Variants in COL4A4 observed in about 807,000 individuals in gnomAD.
The protein encoded by COL4A4 is collagen alpha-4(IV) chain.
Under a neutral mutation model 192.9 loss-of-function variants are expected in COL4A4, and 105 were observed. That is an observed-to-expected ratio of 0.54 (90% CI 0.46 to 0.64). COL4A4 has a LOEUF of 0.64. Ranked by LOEUF, COL4A4 falls within the 30% of genes least tolerant of loss-of-function variation. The pLI, the probability that COL4A4 is intolerant of heterozygous loss-of-function variation, is 0.00. For synonymous variants in COL4A4, 762 were observed against 769.9 expected, an observed-to-expected ratio of 0.99 and a Z score of 0.17; for missense variants, 1,967 against 2,169.3, an observed-to-expected ratio of 0.91 and a Z score of 1.85.
chr2:227,098,560 G>T (rs1576484978), intron 19 of COL4A4, 134 bp downstream of exon 19: 1 of 695,242 alleles, frequency 1.4e-6, no homozygotes, highest in Non-Finnish European at 2.6e-6. Flanking sequence ...GGTCTGGGGT[G>T]TGCACAGGCA....
In COL4A4 at chr2:227,059,642, A is replaced by C; in HGVS notation, c.2165-19T>G. 6.3e-7 allele frequency: 1 copy of C among 1,595,694 alleles called. No homozygotes were observed. Among genetic ancestry groups the C allele is most frequent in the Non-Finnish European group, 8.6e-7 (1 of 1,163,664 alleles). Reference sequence around the variant, plus strand: ...CGAAAACCTATTTAACAACAAAAAAAAATTTTTAATGATAACATGTGCAAG... The same window carrying C: ...CGAAAACCTATTTAACAACAAAAAACAATTTTTAATGATAACATGTGCAAG... On this transcript the variant is annotated intron_variant, in intron 27 of 47. Coordinates refer to ENST00000396625, the MANE Select transcript of COL4A4 (RefSeq NM_000092.5).
At chr2:227,056,307 T>A (rs1975336569) in intron 29 of COL4A4, among the ~76,000 whole-genome samples, 192 bp from the exon 30 acceptor site, 1 of 152,238 alleles carries the variant, frequency 6.6e-6, no homozygotes, top group Admixed American at 6.5e-5. Context: ...GAAGGGCAGA[T>A]CATTTGAGTA....
rs907660933 is a variant in COL4A4, at chr2:227,010,203, A to T, written c.4522+110T>A. The T allele has an allele frequency of 1.0e-5, 12 of 1,149,638 alleles. No homozygotes were observed. In the Admixed American group the frequency reaches 2.1e-4, roughly 20 times the overall value. The allele number at this position is 1,149,638 out of a possible 1,614,324, so 71.2% of individuals were successfully genotyped here. A position where few individuals can be genotyped will look rare whatever the true frequency, so the allele number is the denominator to read the frequency against. On this transcript the variant is annotated intron_variant, in intron 46 of 47. Coordinates refer to ENST00000396625, the MANE Select transcript of COL4A4 (RefSeq NM_000092.5). ...TGCTAGTGTTTTTGTTTTAAAAGTA[A>T]GAATAATCCCATATAAGGTTAGTGA...
chr2:227,101,408 C>T, intron 17 of COL4A4, 96 bp downstream of exon 17: 3 of 1,026,412 alleles, frequency 2.9e-6, no homozygotes, highest in South Asian at 3.1e-5. Context: ...AAATTACATT[C>T]TTGAATGATT....
chr2:227,085,317 C>G (rs748704932), intron 22 of COL4A4, among the ~76,000 whole-genome samples: 2 of 152,052 alleles, frequency 1.3e-5, no homozygotes, highest in Non-Finnish European at 2.9e-5. Context: ...GCAGTGGGAA[C>G]GCAATAACCT....
chr2:227,015,336 G>A (rs1964641340), intron 44 of COL4A4, among the ~76,000 whole-genome samples: 1 of 152,188 alleles, frequency 6.6e-6, no homozygotes. Context: ...AGTAGTTACT[G>A]GACCAGCAGC....
chr2:227,108,515 A>G lies in COL4A4; in HGVS notation c.735+66T>C. ...GAGTACAAGTTCAAATAATCAGAACAGCCTCCACCCCTGAGCAGCACACAC... is the reference window on the plus strand; with the variant it reads ...GAGTACAAGTTCAAATAATCAGAACGGCCTCCACCCCTGAGCAGCACACAC... On this transcript the variant is annotated intron_variant, in intron 12 of 47. Coordinates refer to ENST00000396625, the MANE Select transcript of COL4A4 (RefSeq NM_000092.5). 6 of 1,470,788 alleles carry G rather than the reference A, an allele frequency of 4.1e-6. No homozygotes were observed. In the South Asian group the frequency reaches 4.5e-5, roughly 11 times the overall value. 91.1% of individuals were successfully genotyped at this position (1,470,788 alleles called of 1,614,324 possible). A position where few individuals can be genotyped will look rare whatever the true frequency, so the allele number is the denominator to read the frequency against.
chr2:227,107,507 T>C (rs6735029), intron 12 of COL4A4, among the ~76,000 whole-genome samples: 88,889 of 152,044 alleles, frequency 0.58, 26,161 homozygotes, highest in Middle Eastern at 0.67. Flanking sequence ...ATCATGAAGT[T>C]GTTATATATA....
At chr2:227,143,014 A>ACACG (rs2063323029) in intron 3 of COL4A4, among the ~76,000 whole-genome samples, 2 of 145,896 alleles carry the variant, frequency 1.4e-5, no homozygotes, top group African/African-American at 5.7e-5. Flanking sequence ...ACACACACAC[A>ACACG]CACACGCACA....
chr2:227,068,929 C>T (rs1309021578), intron 25 of COL4A4, among the ~76,000 whole-genome samples: 2 of 150,570 alleles, frequency 1.3e-5, no homozygotes, highest in Admixed American at 6.6e-5. Flanking sequence ...GTCAAATTGT[C>T]CCTGTTTGCA....
chr2:227,051,295 C>G (rs1173758924), intron 32 of COL4A4, 137 bp from the exon 33 acceptor site: 26 of 860,088 alleles, frequency 3.0e-5, no homozygotes, highest in Middle Eastern at 2.6e-4. Context: ...AAGCCGCTTC[C>G]TGATCATTTC....
In COL4A4 at chr2:227,123,660, C is replaced by T. The variant is rs929042302; in HGVS notation, c.193-2512G>A. 7.9e-5 allele frequency among the ~76,000 whole-genome samples: 12 copies of T among 152,214 alleles called. No individual in the cohort carries two copies. Among genetic ancestry groups the T allele is most frequent in the African/African-American group, 2.9e-4 (12 of 41,454 alleles). ...GTGATGGGTATGGAGTGCCTGCCAA[C>T]TGTGCCTCCGGGGCTTTGGATAAAG... On this transcript the variant is annotated intron_variant, in intron 4 of 47. Transcript: ENST00000396625. This position sits in a 1 kb window ranked among gnomAD's most constrained non-coding sequence, Gnocchi z 4.6.
At position 227,005,387 on chromosome 2, in the gene COL4A4, CT is replaced by C. The variant is rs1393965905; in HGVS notation, c.*1937del. 2 of 152,046 alleles carry C rather than the reference CT, an allele frequency of 1.3e-5. No homozygotes were observed. The highest frequency in any genetic ancestry group is 2.4e-5 in the African/African-American group (1 of 41,404). 9.4% of individuals were successfully genotyped at this position (152,046 alleles called of 1,614,324 possible). On this transcript the variant is annotated 3_prime_UTR_variant, in exon 48 of 48. Transcript: ENST00000396625. ...CAGGTTGAACTTTTAGGAGGGTTGA[CT>C]TTTGGTAATAGATAAAGCTTTTTGG...
chr2:227,067,801 A>G (rs1377101764), intron 25 of COL4A4, among the ~76,000 whole-genome samples: 2 of 151,692 alleles, frequency 1.3e-5, no homozygotes, highest in African/African-American at 4.9e-5. Flanking sequence ...CATCACAATT[A>G]AAAGAACTAG....
chr2:227,142,798 TCTTATA>T (rs946201929), intron 3 of COL4A4, among the ~76,000 whole-genome samples: 35 of 151,876 alleles, frequency 2.3e-4, no homozygotes, highest in African/African-American at 8.5e-4. Flanking sequence ...GTTATTAATG[TCTTATA>T]CTTGTAATTC....
At chr2:227,136,475 G>T (rs2062820801) in intron 4 of COL4A4, among the ~76,000 whole-genome samples, 1 of 152,152 alleles carries the variant, frequency 6.6e-6, no homozygotes, top group Admixed American at 6.5e-5. Context: ...AGGGTCAAAG[G>T]GGCAGTAATG....
the COL4A4 span, among the ~76,000 whole-genome samples, chr2:226,970,311 A>G: frequency 1.3e-5 from 2 of 152,008 alleles, no homozygotes; most frequent in Non-Finnish European, 2.9e-5. Context: ...CCAGCTTCTC[A>G]TTTTTAGGAC....
At chr2:227,050,281 T>A in intron 33 of COL4A4, 150 bp from the exon 34 acceptor site, 1 of 716,516 alleles carries the variant, frequency 1.4e-6, no homozygotes. Context: ...AGCCTCCCAC[T>A]ACATGTATCT....
chr2:227,144,636 T>A, intron 2 of COL4A4, 78 bp from the exon 3 acceptor site: 1 of 1,209,486 alleles, frequency 8.3e-7, no homozygotes, highest in Non-Finnish European at 1.2e-6. Flanking sequence ...GTAAAGGAAT[T>A]AATTCCAGAA....
Sources: gnomAD v4.1 joint callset for allele counts (sites outside exome capture counted in the v4.1 genomes callset) on GRCh38, gnomAD v4.1.1 for gene constraint, Gnocchi (gnomAD v3.1) non-coding constraint, MANE v1.5 for transcripts, NCBI Gene and HGNC (gene_info 2026-07-23, HGNC 2026-07-21) for gene names.